SRRM4: variants seen among roughly 807,000 people sequenced by gnomAD.
SRRM4 encodes serine/arginine repetitive matrix protein 4.
In SRRM4, 33 loss-of-function variants were observed where a neutral mutation model predicts 68.9. The observed-to-expected ratio is 0.48, with a 90% CI of 0.36 to 0.64. The LOEUF is 0.64. SRRM4 is among the 30% of genes least tolerant of loss of function. The pLI, the probability that SRRM4 is intolerant of heterozygous loss-of-function variation, is 0.00. For missense variants in SRRM4, 817 were observed against 827.1 expected (o/e 0.99, Z 0.15); for synonymous variants, 318 against 318.8 (o/e 1.00, Z 0.03).
chr12:119,028,522 G>A (rs1362886484), intron 1 of SRRM4, among the ~76,000 whole-genome samples: 1 of 152,196 alleles, frequency 6.6e-6, no homozygotes, highest in East Asian at 1.9e-4. Context: ...CCATGATTGT[G>A]AGGCCTCCCC....
chr12:119,094,802 C>T (rs1280028828), intron 1 of SRRM4, among the ~76,000 whole-genome samples: 1 of 152,206 alleles, frequency 6.6e-6, no homozygotes, highest in African/African-American at 2.4e-5. Context: ...GGATCTGTCT[C>T]CCCTTCCAGG....
At position 119,146,145 on chromosome 12, in the gene SRRM4, C is replaced by A. The variant is rs1954400040; in HGVS notation, c.1076+460C>A. On this transcript the variant is annotated intron_variant, in intron 9 of 12. Transcript: ENST00000267260. ...GTCCCAGGGGATGCTATGCTGTTGG[C>A]CAGAATGTGTCAGATGCCATCACTA... Among the ~76,000 whole-genome samples the A allele has an allele frequency of 3.9e-5, 6 of 152,136 alleles. No individual in the cohort carries two copies. The South Asian group carries it at 1.2e-3, about 32-fold the overall frequency.
At chr12:119,046,313 C>T (rs1033511868) in intron 1 of SRRM4, among the ~76,000 whole-genome samples, 1 of 152,080 alleles carries the variant, frequency 6.6e-6, no homozygotes, top group Non-Finnish European at 1.5e-5. Flanking sequence ...ATCTCTTGGC[C>T]TCTATCCACA....
chr12:119,022,966 C>A (rs1468965439), intron 1 of SRRM4, among the ~76,000 whole-genome samples: 1 of 152,192 alleles, frequency 6.6e-6, no homozygotes, highest in East Asian at 1.9e-4. Context: ...ATGAGCAGAG[C>A]ATCTCTTTTT....
intron 1 of SRRM4, among the ~76,000 whole-genome samples, chr12:119,018,449 T>G (rs377401024): frequency 6.6e-6 from 1 of 152,212 alleles, no homozygotes; most frequent in Non-Finnish European, 1.5e-5. Context: ...ATCTCATTAA[T>G]AAAGGAAGTT....
At chr12:119,150,706 T>G (rs1019031955) in intron 9 of SRRM4, among the ~76,000 whole-genome samples, 1 of 152,196 alleles carries the variant, frequency 6.6e-6, no homozygotes, top group Non-Finnish European at 1.5e-5. Context: ...TTTCTCACCA[T>G]GTAATCTGAT....
intron 1 of SRRM4, among the ~76,000 whole-genome samples, chr12:119,098,040 G>A (rs375280958): frequency 6.6e-6 from 1 of 152,172 alleles, no homozygotes; most frequent in Admixed American, 6.5e-5. Context: ...TGTGTGACTT[G>A]CAAGAATTGG....
chr12:118,991,872 A>G (rs924869438), intron 1 of SRRM4: 2 of 151,954 alleles, frequency 1.3e-5, no homozygotes, highest in African/African-American at 4.8e-5. Context: ...CCATAAGCAC[A>G]CTGTACAGAT....
At chr12:119,077,467 A>G (rs1953923433) in intron 1 of SRRM4, among the ~76,000 whole-genome samples, 1 of 152,158 alleles carries the variant, frequency 6.6e-6, no homozygotes, top group Non-Finnish European at 1.5e-5. Context: ...TCTCATCTGT[A>G]AGGTGGGAAA....
chr12:119,090,023 C>T (rs545206741), intron 1 of SRRM4, among the ~76,000 whole-genome samples: 1 of 152,010 alleles, frequency 6.6e-6, no homozygotes, highest in Non-Finnish European at 1.5e-5. Flanking sequence ...AGATTCAAAC[C>T]CAGGTCTATT....
chr12:119,052,529 GTTTA>G (rs1048745714), intron 1 of SRRM4, among the ~76,000 whole-genome samples: 6 of 151,474 alleles, frequency 4.0e-5, no homozygotes, highest in African/African-American at 7.3e-5. Flanking sequence ...TGTTTTGTTT[GTTTA>G]TTTATTTATT....
At chr12:119,143,745 G>A (rs559326692) in intron 8 of SRRM4, among the ~76,000 whole-genome samples, 21 of 152,304 alleles carry the variant, frequency 1.4e-4, no homozygotes, top group African/African-American at 5.1e-4. Context: ...TGGATCCATG[G>A]ATGAGGTCTA....
chr12:119,156,677 C>G lies in SRRM4; in HGVS notation c.1715C>G (p.Ser572Cys). 6.4e-7 allele frequency: 1 copy of G among 1,559,922 alleles called. No homozygotes were observed. The highest frequency in any genetic ancestry group is 8.7e-7 in the Non-Finnish European group (1 of 1,153,498). The change falls in exon 13 of 13, where the codon TCC becomes TGC. Residue 572 changes from serine to cysteine, a missense_variant. Physicochemically the swap from Ser to Cys is moderately radical, Grantham distance 112. Transcript: ENST00000267260. Reference protein sequence around the residue: ...SRTRTSSSSSSRSPSPGSRSR... With the variant: ...SRTRTSSSSSCRSPSPGSRSR... The stretch of plus-strand genomic sequence containing the variant: ...ACCCGCACGAGCAGCAGCTCTAGCT[C>G]CCGCAGCCCTAGTCCGGGCTCCCGC...
chr12:119,117,801 A>T (rs895979760), intron 4 of SRRM4, among the ~76,000 whole-genome samples: 1 of 152,082 alleles, frequency 6.6e-6, no homozygotes, highest in Non-Finnish European at 1.5e-5. Context: ...AATCCCAGCT[A>T]TTTGGGACGC....
chr12:119,078,389 G>A (rs1010285916), intron 1 of SRRM4, among the ~76,000 whole-genome samples: 1 of 152,156 alleles, frequency 6.6e-6, no homozygotes, highest in African/African-American at 2.4e-5. Context: ...ATGGGGGCAG[G>A]ATGTCTGAAT....
intron 1 of SRRM4, among the ~76,000 whole-genome samples, chr12:119,002,515 G>A (rs1953391218): frequency 6.6e-6 from 1 of 152,196 alleles, no homozygotes; most frequent in Non-Finnish European, 1.5e-5. Context: ...GAAACCTGGG[G>A]TCTGGTTGGA....
At chr12:119,119,947 T>C (rs1954208452) in intron 4 of SRRM4, among the ~76,000 whole-genome samples, 1 of 152,126 alleles carries the variant, frequency 6.6e-6, no homozygotes, top group Non-Finnish European at 1.5e-5. Context: ...ATCAAACCAG[T>C]ATCTCCCATA....
At chr12:119,075,027 G>A (rs80090529) in intron 1 of SRRM4, among the ~76,000 whole-genome samples, 3,815 of 152,250 alleles carry the variant, frequency 0.025, 169 homozygotes, top group African/African-American at 0.086. Context: ...CCAAGGGAAC[G>A]GGGATTTGAG....
At chr12:119,012,356 G>A (rs1373341960) in intron 1 of SRRM4, among the ~76,000 whole-genome samples, 1 of 152,176 alleles carries the variant, frequency 6.6e-6, no homozygotes, top group Non-Finnish European at 1.5e-5. Flanking sequence ...TTTCATCAAG[G>A]TTGCCATGAT....
Sources: gnomAD v4.1 joint callset for allele counts (sites outside exome capture counted in the v4.1 genomes callset) on GRCh38, gnomAD v4.1.1 for gene constraint, MANE v1.5 for transcripts, NCBI Gene and HGNC (gene_info 2026-07-23, HGNC 2026-07-21) for gene names.